GRIA3: variants seen among roughly 807,000 people sequenced by gnomAD.
The protein encoded by GRIA3 is glutamate ionotropic receptor AMPA type subunit 3.
In GRIA3, 3 loss-of-function variants were observed where a neutral mutation model predicts 63.0. That is an observed-to-expected ratio of 0.05 (90% confidence interval 0.02 to 0.12). The LOEUF is 0.12. Among genes scored for constraint, GRIA3 ranks in the 10% least tolerant of loss-of-function variants. The probability of loss-of-function intolerance (pLI) is 1.00; values close to 1 mark genes in which losing one functional copy is unlikely to be tolerated. For synonymous variants in GRIA3, 274 were observed against 257.9 expected (o/e 1.06, Z -0.60); for missense variants, 347 against 700.9 (o/e 0.50, Z 5.70).
At chrX:123,276,101 C>T (rs2044553306) in intron 3 of GRIA3, among the ~76,000 whole-genome samples, 1 of 112,145 alleles carries the variant, frequency 8.9e-6, no homozygotes, top group Non-Finnish European at 1.9e-5. Context: ...GTGGCTGTCT[C>T]TTGACTCTCA....
At chrX:123,472,840 T>C (rs888249587) in intron 13 of GRIA3, among the ~76,000 whole-genome samples, 16 of 112,913 alleles carry the variant, frequency 1.4e-4, no homozygotes, top group Middle Eastern at 4.6e-3. Flanking sequence ...GTTAGGCCCT[T>C]AGTGAAATGA....
At chrX:123,336,564 G>T (rs2044975582) in intron 4 of GRIA3, among the ~76,000 whole-genome samples, 1 of 111,697 alleles carries the variant, frequency 9.0e-6, no homozygotes, top group East Asian at 2.8e-4. Flanking sequence ...ATCACTAGGG[G>T]TGGAGCCAAA....
chrX:123,225,830 C>A (rs1227116731), intron 2 of GRIA3, among the ~76,000 whole-genome samples: 1 of 111,072 alleles, frequency 9.0e-6, no homozygotes, highest in Non-Finnish European at 1.9e-5. Context: ...TCATTCTAAA[C>A]CCCCTCTACC....
At chrX:123,352,594 A>G (rs2045103815) in intron 4 of GRIA3, among the ~76,000 whole-genome samples, 1 of 111,928 alleles carries the variant, frequency 8.9e-6, no homozygotes, top group African/African-American at 3.3e-5. Context: ...ACACACAAAA[A>G]AACACTAAAC....
At chrX:123,218,451 GTTTTGTT>G (rs989983816) in intron 2 of GRIA3, among the ~76,000 whole-genome samples, 5 of 111,479 alleles carry the variant, frequency 4.5e-5, no homozygotes, top group Non-Finnish European at 5.7e-5. Flanking sequence ...TTTTTGTTTT[GTTTTGTT>G]TTTTGTTTTT....
intron 2 of GRIA3, among the ~76,000 whole-genome samples, chrX:123,234,626 C>G (rs2044292983): frequency 9.0e-6 from 1 of 111,670 alleles, no homozygotes. Flanking sequence ...CATTTTATAC[C>G]TTGTGGCAAC....
chrX:123,470,677 T>A (rs2045857474), intron 13 of GRIA3, among the ~76,000 whole-genome samples: 1 of 112,193 alleles, frequency 8.9e-6, no homozygotes, highest in South Asian at 3.7e-4. Flanking sequence ...CCCATTGGTA[T>A]ACATGAGATC....
chrX:123,390,979 A>G lies in GRIA3; in HGVS notation c.751-3989A>G, dbSNP rs28845474. Among the ~76,000 whole-genome samples the G allele has an allele frequency of 6.0e-4, 66 of 110,418 alleles. 1 individual carries two copies. The highest frequency in any genetic ancestry group is 2.0e-3 in the African/African-American group (62 of 30,408). On this transcript the variant is annotated intron_variant, in intron 5 of 15. Transcript: ENST00000620443. ...TGAATTATTCAGCTTTAGAATTTCT[A>G]TGTGTTTTTCTTTTTATTTTAGCTA...
intron 1 of GRIA3, chrX:123,185,016 G>C (rs1006573426): frequency 5.7e-6 from 2 of 347,894 alleles, no homozygotes; most frequent in Non-Finnish European, 1.1e-5. Flanking sequence ...TGCAGCTCCT[G>C]GAAGTTGTCC....
At chrX:123,365,290 A>G (rs752257142) in intron 5 of GRIA3, among the ~76,000 whole-genome samples, 3 of 111,490 alleles carry the variant, frequency 2.7e-5, no homozygotes, top group Admixed American at 9.5e-5. Flanking sequence ...AGAAAAGAAA[A>G]TGGTTCTTGA....
chrX:123,316,503 C>T (rs750225858), intron 3 of GRIA3, among the ~76,000 whole-genome samples: 6 of 111,768 alleles, frequency 5.4e-5, no homozygotes, highest in African/African-American at 2.0e-4. Context: ...TAAACATGTC[C>T]GTAAATGTTT....
chrX:123,373,810 G>A (rs2147363304), intron 5 of GRIA3, among the ~76,000 whole-genome samples: 1 of 111,619 alleles, frequency 9.0e-6, no homozygotes, highest in Non-Finnish European at 1.9e-5. Context: ...TAGGTTGCCT[G>A]TTCACTCTGA....
chrX:123,436,082 A>G (rs2045642689), intron 12 of GRIA3, among the ~76,000 whole-genome samples: 2 of 111,255 alleles, frequency 1.8e-5, no homozygotes, highest in South Asian at 7.7e-4. Context: ...TATGCAGGGT[A>G]TAATACTTAG....
intron 11 of GRIA3, among the ~76,000 whole-genome samples, chrX:123,425,833 T>G (rs2045586639): frequency 9.0e-6 from 1 of 111,623 alleles, no homozygotes; most frequent in Non-Finnish European, 1.9e-5. Context: ...AACTACAGAT[T>G]TAAAAAAAAT....
At chrX:123,460,714 T>C (rs958744165) in intron 12 of GRIA3, among the ~76,000 whole-genome samples, 1 of 111,684 alleles carries the variant, frequency 9.0e-6, no homozygotes, top group African/African-American at 3.2e-5. Flanking sequence ...GGTACACAGG[T>C]GTTTTTACAT....
intron 5 of GRIA3, among the ~76,000 whole-genome samples, chrX:123,389,688 T>TTTGTTG (rs200693212): frequency 0.014 from 1,446 of 106,861 alleles, 33 homozygotes; most frequent in African/African-American, 0.047. Context: ...TTCTTTTGTT[T>TTTGTTG]TTGTTGTTGT....
intron 5 of GRIA3, among the ~76,000 whole-genome samples, chrX:123,379,031 CCA>C (rs1252920091): frequency 9.1e-6 from 1 of 110,070 alleles, no homozygotes; most frequent in Non-Finnish European, 1.9e-5. Flanking sequence ...TGCATTAATC[CCA>C]CCTCAAGGTC....
At chrX:123,289,350 A>G (rs1365997419) in intron 3 of GRIA3, among the ~76,000 whole-genome samples, 1 of 109,800 alleles carries the variant, frequency 9.1e-6, no homozygotes, top group Non-Finnish European at 1.9e-5. Context: ...GCAAATCACC[A>G]TGGCACGTGT....
intron 5 of GRIA3, among the ~76,000 whole-genome samples, chrX:123,377,087 A>C (rs1161215588): frequency 9.1e-6 from 1 of 109,598 alleles, no homozygotes; most frequent in African/African-American, 3.3e-5. Context: ...GGCGCCCGCC[A>C]CCATGCCCGG....
Sources: allele counts gnomAD v4.1 joint callset (sites outside exome capture counted in the v4.1 genomes callset), GRCh38; gene constraint gnomAD v4.1.1; transcripts MANE v1.5; gene names NCBI Gene and HGNC (gene_info 2026-07-23, HGNC 2026-07-21).